The following CPQ variants were observed in gnomAD, a reference collection of about 807,000 sequenced individuals.
CPQ encodes the protein carboxypeptidase Q.
Under a neutral mutation model 45.7 loss-of-function variants are expected in CPQ, and 37 were observed. That is an observed-to-expected ratio of 0.81 (90% CI 0.62 to 1.07). CPQ has a LOEUF of 1.07. Ranked by LOEUF, CPQ falls within the 50% of genes least tolerant of loss-of-function variation. The pLI is 0.00. For missense variants in CPQ, 537 were observed against 572.9 expected (o/e 0.94, Z 0.64); for synonymous variants, 186 against 205.8 (o/e 0.90, Z 0.82).
Position 96,749,288 on chromosome 8 carries a change from G to GGAAATAGTTTAA in CPQ, c.-34-35576_-34-35575insGAAATAGTTTAA, listed in dbSNP as rs537506173. Among the ~76,000 whole-genome samples the GGAAATAGTTTAA allele has an allele frequency of 1.1e-4, 16 of 152,288 alleles. No individual in the cohort carries two copies. The East Asian group carries it at 3.1e-3, about 29-fold the overall frequency. ...GATGACAGACTGACCAAGTGATCTG[G>GGAAATAGTTTAA]CTTTTCTCCACGCTCTGGGAAATAG... On this transcript the variant is annotated intron_variant, in intron 1 of 7. Transcript: ENST00000220763.
chr8:96,777,895 A>T (rs1207392310), intron 1 of CPQ, among the ~76,000 whole-genome samples: 2 of 139,572 alleles, frequency 1.4e-5, no homozygotes, highest in Non-Finnish European at 3.0e-5. Context: ...CGCCCAGCTA[A>T]TTTTTTGTAT....
At chr8:96,772,298 C>T (rs77038087) in intron 1 of CPQ, among the ~76,000 whole-genome samples, 55 of 152,088 alleles carry the variant, frequency 3.6e-4, no homozygotes, top group Non-Finnish European at 6.6e-4. Flanking sequence ...TACTGATTAA[C>T]TGACTATAGA....
intron 7 of CPQ, among the ~76,000 whole-genome samples, chr8:97,136,194 C>T (rs1039932142): frequency 1.3e-5 from 2 of 151,906 alleles, no homozygotes; most frequent in African/African-American, 4.8e-5. Context: ...AAAAAAGATT[C>T]ATAGAGAAGG....
intron 4 of CPQ, among the ~76,000 whole-genome samples, chr8:96,942,878 C>T (rs1212848431): frequency 1.3e-5 from 2 of 152,162 alleles, no homozygotes; most frequent in African/African-American, 4.8e-5. Context: ...GTCATTCTTC[C>T]CTTTGGCTCC....
At chr8:96,774,638 C>T (rs924178541) in intron 1 of CPQ, among the ~76,000 whole-genome samples, 12 of 151,932 alleles carry the variant, frequency 7.9e-5, no homozygotes, top group African/African-American at 1.7e-4. Context: ...AAGAAGAATC[C>T]GAAAAAACCC....
intron 4 of CPQ, among the ~76,000 whole-genome samples, chr8:96,919,293 G>A (rs13255133): frequency 0.49 from 73,778 of 151,812 alleles, 20,118 homozygotes; most frequent in Non-Finnish European, 0.62. Flanking sequence ...TCCAAAGTAA[G>A]TTTCTTTGTC....
At chr8:97,067,077 C>T (rs1810650968) in intron 7 of CPQ, among the ~76,000 whole-genome samples, 1 of 151,812 alleles carries the variant, frequency 6.6e-6, no homozygotes, top group Non-Finnish European at 1.5e-5. Flanking sequence ...TGAGTGTGCA[C>T]CACCATGCCT....
intron 1 of CPQ, among the ~76,000 whole-genome samples, chr8:96,753,400 TGCA>T (rs1161459424): frequency 6.6e-6 from 1 of 152,150 alleles, no homozygotes; most frequent in East Asian, 1.9e-4. Flanking sequence ...ATTTGCCAAA[TGCA>T]ATGCTTGACA....
chr8:96,750,160 T>A (rs1401996584), intron 1 of CPQ, among the ~76,000 whole-genome samples: 1 of 151,852 alleles, frequency 6.6e-6, no homozygotes, highest in East Asian at 1.9e-4. Context: ...TACACACACA[T>A]ATGCTACACA....
chr8:96,786,982 CT>C lies in CPQ; in HGVS notation c.433+1661del, dbSNP rs903119935. ...TCTCCCATTCTGAGGACTGTCTTTT[CT>C]TTTTTTTTGATGGCAATATTTGCTA... On this transcript the variant is annotated intron_variant, in intron 2 of 7. Coordinates refer to ENST00000220763, the MANE Select transcript of CPQ (RefSeq NM_016134.4). 2.3e-3 allele frequency among the ~76,000 whole-genome samples: 353 copies of C among 150,332 alleles called. 4 individuals carry two copies. The highest frequency in any genetic ancestry group is 8.3e-3 in the African/African-American group (341 of 41,134).
chr8:96,778,796 G>T (rs1008807367), intron 1 of CPQ, among the ~76,000 whole-genome samples: 1 of 152,078 alleles, frequency 6.6e-6, no homozygotes, highest in Non-Finnish European at 1.5e-5. Flanking sequence ...GCAAAGTGTG[G>T]TGGCTCACGC....
chr8:96,700,734 G>A (rs1809447438), intron 1 of CPQ, among the ~76,000 whole-genome samples: 1 of 152,148 alleles, frequency 6.6e-6, no homozygotes, highest in African/African-American at 2.4e-5. Flanking sequence ...ATGCGTGGGT[G>A]GACTTACAGC....
At chr8:97,108,383 A>G (rs1811440689) in intron 7 of CPQ, among the ~76,000 whole-genome samples, 1 of 152,220 alleles carries the variant, frequency 6.6e-6, no homozygotes, top group Admixed American at 6.5e-5. Context: ...GGGGGTTCCC[A>G]AATAAGAGAT....
chr8:97,006,435 T>C (rs1484411693), intron 5 of CPQ, among the ~76,000 whole-genome samples: 32 of 152,262 alleles, frequency 2.1e-4, no homozygotes, highest in Non-Finnish European at 1.3e-4. Flanking sequence ...TTATAGTCAG[T>C]CGACAGGACA....
intron 5 of CPQ, among the ~76,000 whole-genome samples, chr8:96,998,424 CTG>C (rs1586486864): frequency 6.6e-6 from 1 of 151,846 alleles, no homozygotes; most frequent in East Asian, 1.9e-4. Context: ...AATTACCAAA[CTG>C]TGCAAAACAG....
At chr8:96,778,431 G>T (rs1810644136) in intron 1 of CPQ, among the ~76,000 whole-genome samples, 1 of 152,020 alleles carries the variant, frequency 6.6e-6, no homozygotes, top group Non-Finnish European at 1.5e-5. Context: ...TTATATTCCA[G>T]GGAAAACCAG....
At chr8:97,094,961 T>G (rs1319440488) in intron 7 of CPQ, among the ~76,000 whole-genome samples, 1 of 152,142 alleles carries the variant, frequency 6.6e-6, no homozygotes. Flanking sequence ...GTCCTTTTCT[T>G]GTTTGATTTT....
chr8:96,759,340 A>G (rs903069284), intron 1 of CPQ, among the ~76,000 whole-genome samples: 1 of 152,200 alleles, frequency 6.6e-6, no homozygotes, highest in Admixed American at 6.5e-5. Context: ...TTGAATTCCA[A>G]AATCAGAAAT....
rs187892942 is a variant in CPQ at position 96,772,209 on chromosome 8, A to G, written c.-34-12655A>G. ...TGGTAGTTCAGGTTGAAGAAAGATA[A>G]CTGAAACCAAGGTGGAGAGGAAGAC... On this transcript the variant is annotated intron_variant, in intron 1 of 7. Coordinates refer to ENST00000220763, the MANE Select transcript of CPQ (RefSeq NM_016134.4). Among the ~76,000 whole-genome samples, 207 of 152,236 alleles carry G rather than the reference A, an allele frequency of 1.4e-3. 1 individual carries two copies. Among genetic ancestry groups the G allele is most frequent in the African/African-American group, 4.7e-3 (196 of 41,558 alleles).
Sources: gnomAD v4.1 joint callset for allele counts (sites outside exome capture counted in the v4.1 genomes callset) on GRCh38, gnomAD v4.1.1 for gene constraint, MANE v1.5 for transcripts, NCBI Gene and HGNC (gene_info 2026-07-23, HGNC 2026-07-21) for gene names.